Variants in EXOC4 observed in about 807,000 individuals in gnomAD.
The protein encoded by EXOC4 is exocyst complex component 4.
EXOC4 carries 71 observed loss-of-function variants against 107.2 expected under a neutral mutation model. That is an observed-to-expected ratio of 0.66 (90% confidence interval 0.55 to 0.81). The LOEUF is 0.81. Among genes scored for constraint, EXOC4 ranks in the 30% least tolerant of loss-of-function variants. The pLI is 0.00. For missense variants in EXOC4, 1,108 were observed against 1,189.6 expected, an observed-to-expected ratio of 0.93 and a Z score of 1.01; for synonymous variants, 456 against 441.2, an observed-to-expected ratio of 1.03 and a Z score of -0.42.
chr7:133,485,303 C>A (rs1449151985), intron 9 of EXOC4, among the ~76,000 whole-genome samples: 1 of 151,802 alleles, frequency 6.6e-6, no homozygotes, highest in African/African-American at 2.4e-5. Flanking sequence ...TTCTGACATT[C>A]ATTTCACTTG....
intron 9 of EXOC4, among the ~76,000 whole-genome samples, chr7:133,570,285 T>A (rs916987289): frequency 6.6e-6 from 1 of 152,196 alleles, no homozygotes; most frequent in South Asian, 2.1e-4. Flanking sequence ...GGTCTTACAG[T>A]CTCACCAGTT....
At chr7:133,269,435 G>A (rs1294727620) in intron 1 of EXOC4, among the ~76,000 whole-genome samples, 1 of 152,110 alleles carries the variant, frequency 6.6e-6, no homozygotes, top group Non-Finnish European at 1.5e-5. Flanking sequence ...AAAAAGGCTG[G>A]TGATAATATT....
intron 5 of EXOC4, among the ~76,000 whole-genome samples, chr7:133,318,407 G>A (rs1412934580): frequency 6.6e-6 from 1 of 152,202 alleles, no homozygotes; most frequent in Admixed American, 6.5e-5. Flanking sequence ...TCTGCAGAGA[G>A]TTTCTCTGCT....
intron 14 of EXOC4, among the ~76,000 whole-genome samples, chr7:133,978,874 C>G (rs1050796796): frequency 2.2e-4 from 33 of 152,136 alleles, no homozygotes. Flanking sequence ...AACCCAAAAC[C>G]CCTACTGGCA....
intron 17 of EXOC4, among the ~76,000 whole-genome samples, chr7:134,050,107 A>G (rs1001609028): frequency 5.9e-5 from 9 of 152,172 alleles, no homozygotes; most frequent in African/African-American, 2.2e-4. Context: ...GTGTTTATAT[A>G]CACACACACA....
intron 7 of EXOC4, among the ~76,000 whole-genome samples, chr7:133,418,587 T>A (rs147006151): frequency 6.6e-6 from 1 of 152,142 alleles, no homozygotes; most frequent in East Asian, 1.9e-4. Flanking sequence ...CCACATTCTT[T>A]AAGGGGTGAT....
At chr7:133,773,666 C>G (rs1796290171) in intron 10 of EXOC4, among the ~76,000 whole-genome samples, 1 of 151,814 alleles carries the variant, frequency 6.6e-6, no homozygotes, top group Non-Finnish European at 1.5e-5. Flanking sequence ...GTTGAAATAT[C>G]ATCAGTGAAC....
chr7:133,354,705 G>T (rs1795986317), intron 5 of EXOC4, among the ~76,000 whole-genome samples: 1 of 152,096 alleles, frequency 6.6e-6, no homozygotes. Context: ...TGGCAGGCAG[G>T]GTTCTTTTTG....
At chr7:133,700,977 T>A (rs9649594) in intron 10 of EXOC4, among the ~76,000 whole-genome samples, 2 of 151,838 alleles carry the variant, frequency 1.3e-5, no homozygotes. Flanking sequence ...CCTGTCTGTA[T>A]CAAGAAAAAA....
chr7:133,688,714 G>A (rs1263062346), intron 10 of EXOC4, among the ~76,000 whole-genome samples: 2 of 152,100 alleles, frequency 1.3e-5, no homozygotes, highest in Non-Finnish European at 1.5e-5. Flanking sequence ...AGAAGGCATA[G>A]CCCTGTCGTC....
intron 1 of EXOC4, among the ~76,000 whole-genome samples, chr7:133,263,886 CATATT>C (rs890552525): frequency 7.9e-5 from 12 of 152,044 alleles, no homozygotes; most frequent in Admixed American, 6.6e-4. Flanking sequence ...TTAACAATAA[CATATT>C]AAAGTGTCCC....
chr7:133,947,953 T>G (rs980298734), intron 14 of EXOC4, among the ~76,000 whole-genome samples: 21 of 152,022 alleles, frequency 1.4e-4, no homozygotes, highest in Non-Finnish European at 2.6e-4. Flanking sequence ...CAGAAGGAGT[T>G]AGAAAGCAAG....
chr7:133,459,187 C>T (rs1401754363), intron 7 of EXOC4, among the ~76,000 whole-genome samples: 3 of 152,084 alleles, frequency 2.0e-5, no homozygotes, highest in African/African-American at 7.2e-5. Context: ...AGCATGCTGT[C>T]TTTTTTCTTT....
intron 7 of EXOC4, among the ~76,000 whole-genome samples, chr7:133,437,409 T>C (rs1798000869): frequency 1.3e-5 from 2 of 152,174 alleles, no homozygotes; most frequent in South Asian, 4.1e-4. Context: ...CTCATGGTCT[T>C]TTCCCATTTT....
At chr7:133,957,731 C>A (rs1365815526) in intron 14 of EXOC4, among the ~76,000 whole-genome samples, 2 of 152,176 alleles carry the variant, frequency 1.3e-5, no homozygotes, top group Non-Finnish European at 2.9e-5. Flanking sequence ...TTTGAAACAT[C>A]TAAACAGTTG....
chr7:133,482,070 T>C (rs879452594), intron 9 of EXOC4, among the ~76,000 whole-genome samples: 4 of 152,176 alleles, frequency 2.6e-5, no homozygotes, highest in Admixed American at 2.0e-4. Flanking sequence ...TAGTTTAAAT[T>C]TGCCTCCATA....
chr7:133,914,947 A>G (rs1413209176), intron 12 of EXOC4, among the ~76,000 whole-genome samples: 2 of 152,262 alleles, frequency 1.3e-5, no homozygotes, highest in Admixed American at 1.3e-4. Context: ...TAAAACATTC[A>G]AGGAGATAAA....
chr7:133,458,636 G>A (rs868794878), intron 7 of EXOC4, among the ~76,000 whole-genome samples: 2 of 152,204 alleles, frequency 1.3e-5, no homozygotes, highest in Non-Finnish European at 2.9e-5. Flanking sequence ...CATAGGCAGA[G>A]ATCAGGTCTG....
chr7:133,997,295 T>C (rs1461360414), intron 14 of EXOC4, among the ~76,000 whole-genome samples, 197 bp from the exon 15 acceptor site: 5 of 152,218 alleles, frequency 3.3e-5, no homozygotes, highest in African/African-American at 9.7e-5. Flanking sequence ...ATTATATGAA[T>C]TGATTCAAGA....
Sources: allele counts gnomAD v4.1 joint callset (sites outside exome capture counted in the v4.1 genomes callset), GRCh38; gene constraint gnomAD v4.1.1; transcripts MANE v1.5; gene names NCBI Gene and HGNC (gene_info 2026-07-23, HGNC 2026-07-21).